CTNND2: variants seen among roughly 807,000 people sequenced by gnomAD.
CTNND2 encodes the protein catenin delta-2.
Under a neutral mutation model 144.4 loss-of-function variants are expected in CTNND2, and 22 were observed. The observed-to-expected ratio is 0.15, with a 90% confidence interval of 0.11 to 0.22. The LOEUF (loss-of-function observed/expected upper bound fraction) is 0.22, where lower values mean the gene tolerates loss of function less well. CTNND2 is among the 10% of genes least tolerant of loss of function. CTNND2 has a pLI of 1.00. For missense variants in CTNND2, 1,353 were observed against 1,618.8 expected, an observed-to-expected ratio of 0.84 and a Z score of 2.82; for synonymous variants, 751 against 695.6, an observed-to-expected ratio of 1.08 and a Z score of -1.25.
At chr5:11,123,140 C>T (rs1018309417) in intron 12 of CTNND2, among the ~76,000 whole-genome samples, 3 of 152,188 alleles carry the variant, frequency 2.0e-5, no homozygotes, top group African/African-American at 7.2e-5. Flanking sequence ...CCCCGCTACT[C>T]CTTCCTTCAT....
chr5:11,041,166 T>A (rs1165003163), intron 16 of CTNND2, among the ~76,000 whole-genome samples: 1 of 152,226 alleles, frequency 6.6e-6, no homozygotes, highest in Non-Finnish European at 1.5e-5. Context: ...TTTTCCAAAT[T>A]GATTTACACC....
chr5:11,373,130 T>C (rs1581042646), intron 7 of CTNND2, among the ~76,000 whole-genome samples: 2 of 152,250 alleles, frequency 1.3e-5, no homozygotes, highest in East Asian at 3.8e-4. Flanking sequence ...GCAGAGTGAC[T>C]GATCTTAGCT....
chr5:11,470,615 CT>C (rs1032236944), intron 3 of CTNND2, among the ~76,000 whole-genome samples: 11 of 151,974 alleles, frequency 7.2e-5, no homozygotes, highest in Non-Finnish European at 1.3e-4. Flanking sequence ...ATCTAATGTC[CT>C]TTTTCTGTCC....
chr5:11,883,423 C>G (rs1189018830), intron 1 of CTNND2, among the ~76,000 whole-genome samples: 1 of 152,124 alleles, frequency 6.6e-6, no homozygotes, highest in Non-Finnish European at 1.5e-5. Context: ...TGAATGAGAA[C>G]ATGTGGTGTT....
chr5:11,455,715 G>A (rs761541630), intron 3 of CTNND2, among the ~76,000 whole-genome samples: 3 of 152,112 alleles, frequency 2.0e-5, no homozygotes, highest in Non-Finnish European at 4.4e-5. Flanking sequence ...CCTAACAGGA[G>A]AGAAAAGAAG....
chr5:11,480,363 T>C (rs978554071), intron 3 of CTNND2, among the ~76,000 whole-genome samples: 8 of 152,162 alleles, frequency 5.3e-5, no homozygotes, highest in South Asian at 4.1e-4. Flanking sequence ...TTCTTCATGA[T>C]TGAAGGTTTC....
intron 1 of CTNND2, among the ~76,000 whole-genome samples, chr5:11,879,354 T>TATATATATATATATATATATATATATAC (rs1169270632): frequency 5.0e-5 from 7 of 139,774 alleles, no homozygotes; most frequent in South Asian, 2.3e-4. Context: ...TATATATATA[T>TATATATATATATATATATATATATATAC]ATACATATAC....
chr5:11,359,434 C>G (rs1434345386), intron 8 of CTNND2, among the ~76,000 whole-genome samples: 1 of 152,176 alleles, frequency 6.6e-6, no homozygotes, highest in African/African-American at 2.4e-5. Context: ...CCGCCTCCCC[C>G]TGTTAATGGT....
chr5:11,117,318 T>C, intron 13 of CTNND2, 132 bp downstream of exon 13: 1 of 709,960 alleles, frequency 1.4e-6, no homozygotes. Context: ...TGGATTCTTA[T>C]AAGGAAACCA....
intron 2 of CTNND2, among the ~76,000 whole-genome samples, chr5:11,665,081 A>G (rs1783482708): frequency 6.6e-6 from 1 of 152,068 alleles, no homozygotes; most frequent in African/African-American, 2.4e-5. Context: ...TTGAAATTCA[A>G]TTTCCCAACC....
At chr5:11,706,503 T>C (rs906620008) in intron 2 of CTNND2, among the ~76,000 whole-genome samples, 3 of 152,122 alleles carry the variant, frequency 2.0e-5, no homozygotes, top group African/African-American at 4.8e-5. Flanking sequence ...TTGGCAAATA[T>C]ATAAAGGCAG....
intron 19 of CTNND2, among the ~76,000 whole-genome samples, chr5:10,990,414 C>G (rs1738538770): frequency 6.6e-6 from 1 of 152,232 alleles, no homozygotes; most frequent in African/African-American, 2.4e-5. Context: ...CAGTTCCTGT[C>G]TGCTCGCTGG....
intron 7 of CTNND2, among the ~76,000 whole-genome samples, chr5:11,366,268 A>C (rs1228407622): frequency 6.6e-6 from 1 of 152,224 alleles, no homozygotes; most frequent in Non-Finnish European, 1.5e-5. Context: ...CAATAGAAAA[A>C]TGTTTTACTG....
chr5:11,548,330 G>A (rs770816998), intron 3 of CTNND2, among the ~76,000 whole-genome samples: 1 of 152,040 alleles, frequency 6.6e-6, no homozygotes, highest in Non-Finnish European at 1.5e-5. Flanking sequence ...AACAATTACT[G>A]GTCAAATTCT....
At chr5:11,190,405 G>A (rs1476707043) in intron 11 of CTNND2, among the ~76,000 whole-genome samples, 1 of 152,198 alleles carries the variant, frequency 6.6e-6, no homozygotes, top group Non-Finnish European at 1.5e-5. Flanking sequence ...CCTAGTGGCT[G>A]GCAGAGGAGA....
chr5:11,585,095 A>C (rs1778740527), intron 2 of CTNND2, among the ~76,000 whole-genome samples: 1 of 152,214 alleles, frequency 6.6e-6, no homozygotes, highest in Non-Finnish European at 1.5e-5. Flanking sequence ...ACAGAAGTCA[A>C]GGCATTTGTG....
chr5:11,059,477 G>A lies in CTNND2; in HGVS notation c.2788+23219C>T, dbSNP rs142286777. Among the ~76,000 whole-genome samples the A allele has an allele frequency of 3.9e-5, 6 of 152,288 alleles. No individual in the cohort carries two copies. The South Asian group carries it at 6.2e-4, about 16-fold the overall frequency. On this transcript the variant is annotated intron_variant, in intron 16 of 21. Transcript: ENST00000304623. ...ATTGTTAGGCCTCCCCAGTCATGTG[G>A]AACTGTAAGTCCAATAAACCTCTTT... is the stretch of plus-strand genomic sequence containing the variant.
intron 10 of CTNND2, among the ~76,000 whole-genome samples, chr5:11,231,127 ATACATTCT>A (rs1740961521): frequency 6.6e-6 from 1 of 152,144 alleles, no homozygotes; most frequent in South Asian, 2.1e-4. Flanking sequence ...CCCTGCTTGA[ATACATTCT>A]TTCTCCTGCC....
intron 2 of CTNND2, among the ~76,000 whole-genome samples, chr5:11,588,328 A>G (rs79575767): frequency 1.3e-5 from 2 of 151,876 alleles, no homozygotes; most frequent in Non-Finnish European, 2.9e-5. Context: ...AAAAAAAAAA[A>G]GACCTACAAT....
Sources: allele counts gnomAD v4.1 joint callset (sites outside exome capture counted in the v4.1 genomes callset), GRCh38; gene constraint gnomAD v4.1.1; transcripts MANE v1.5; gene names NCBI Gene and HGNC (gene_info 2026-07-23, HGNC 2026-07-21).